The following ADK variants were observed in gnomAD, a reference collection of about 807,000 sequenced individuals.
ADK encodes N6,N6-dimethyladenosine kinase.
A neutral mutation model predicts 44.7 loss-of-function variants in ADK; 24 were observed. The ratio of observed to expected loss-of-function variants is 0.54; its 90% CI spans 0.39 to 0.76. ADK has a LOEUF of 0.76. Among genes scored for constraint, ADK ranks in the 30% least tolerant of loss-of-function variants. The probability of loss-of-function intolerance (pLI) is 0.00; values close to 1 mark genes in which losing one functional copy is unlikely to be tolerated. For synonymous variants in ADK, 128 were observed against 142.6 expected, an observed-to-expected ratio of 0.90 and a Z score of 0.73; for missense variants, 321 against 425.1, an observed-to-expected ratio of 0.76 and a Z score of 2.15.
intron 7 of ADK, among the ~76,000 whole-genome samples, chr10:74,556,306 G>T (rs1011220355): frequency 6.6e-6 from 1 of 152,146 alleles, no homozygotes; most frequent in Non-Finnish European, 1.5e-5. Context: ...TGCCATATGA[G>T]CTCTGCTTAT....
intron 3 of ADK, among the ~76,000 whole-genome samples, chr10:74,272,586 C>A (rs1185686715): frequency 1.3e-5 from 2 of 152,140 alleles, no homozygotes; most frequent in Non-Finnish European, 2.9e-5. Flanking sequence ...GCTTCATTTT[C>A]TACCTCTGAT....
At chr10:74,264,975 A>G (rs1411895389) in intron 3 of ADK, among the ~76,000 whole-genome samples, 1 of 151,614 alleles carries the variant, frequency 6.6e-6, no homozygotes, top group Non-Finnish European at 1.5e-5. Flanking sequence ...CAAAGTACCT[A>G]TTTTTTTCTT....
Position 74,447,837 on chromosome 10 carries a change from T to TC in ADK, c.555+49261dup, listed in dbSNP as rs1592227657. The stretch of plus-strand genomic sequence containing the variant: ...ATGTATATACTGTTAAGGAGTCATT[T>TC]CCCTCTAAGAGTACAAAGTACAAAA... On this transcript the variant is annotated intron_variant, in intron 6 of 10. Coordinates refer to ENST00000539909, the MANE Select transcript of ADK (RefSeq NM_006721.4). 2.0e-5 allele frequency among the ~76,000 whole-genome samples: 3 copies of TC among 152,230 alleles called. No homozygotes were observed. In the East Asian group the frequency reaches 5.8e-4, roughly 29 times the overall value.
intron 6 of ADK, among the ~76,000 whole-genome samples, chr10:74,482,872 G>T (rs750905466): frequency 6.6e-6 from 1 of 152,126 alleles, no homozygotes; most frequent in African/African-American, 2.4e-5. Context: ...GCAGTTCTGC[G>T]TCTGTTGCTC....
intron 10 of ADK, among the ~76,000 whole-genome samples, chr10:74,699,143 C>G (rs1167228598): frequency 1.6e-5 from 2 of 122,508 alleles, no homozygotes; most frequent in African/African-American, 6.3e-5. Flanking sequence ...GCCACCCAAC[C>G]TAGCCTTTTT....
At chr10:74,524,875 T>C (rs912757163) in intron 6 of ADK, among the ~76,000 whole-genome samples, 2 of 152,100 alleles carry the variant, frequency 1.3e-5, no homozygotes, top group Non-Finnish European at 2.9e-5. Context: ...TCAAAAAATA[T>C]ATATTCCAAA....
At chr10:74,496,243 A>G (rs1847683188) in intron 6 of ADK, among the ~76,000 whole-genome samples, 1 of 152,146 alleles carries the variant, frequency 6.6e-6, no homozygotes, top group Admixed American at 6.6e-5. Context: ...AGTAACTTGG[A>G]CTACAGGCAT....
chr10:74,406,520 T>C (rs2395089), intron 6 of ADK, among the ~76,000 whole-genome samples: 1 of 57,562 alleles, frequency 1.7e-5, no homozygotes, highest in Non-Finnish European at 4.4e-5. Flanking sequence ...ATAATAATAA[T>C]AATAATAAGA....
intron 7 of ADK, among the ~76,000 whole-genome samples, chr10:74,566,003 T>C (rs1850654758): frequency 6.6e-6 from 1 of 152,120 alleles, no homozygotes; most frequent in Non-Finnish European, 1.5e-5. Context: ...AAGTGGCAGA[T>C]GCCTTATCTT....
intron 6 of ADK, chr10:74,509,596 A>G (rs1848222947): frequency 6.6e-6 from 1 of 152,210 alleles, no homozygotes; most frequent in African/African-American, 2.4e-5. Context: ...AACATTTAAT[A>G]TCCTCCATCT....
intron 3 of ADK, among the ~76,000 whole-genome samples, chr10:74,312,280 C>G (rs543571050): frequency 1.4e-5 from 2 of 138,640 alleles, no homozygotes; most frequent in East Asian, 4.0e-4. Context: ...AGGGTAAGGA[C>G]ACTTGTAGAT....
intron 6 of ADK, among the ~76,000 whole-genome samples, chr10:74,479,493 T>C (rs2133342790): frequency 6.6e-6 from 1 of 152,052 alleles, no homozygotes; most frequent in Non-Finnish European, 1.5e-5. Context: ...GCAGAGAATT[T>C]TCTTTTGCTT....
intron 3 of ADK, among the ~76,000 whole-genome samples, chr10:74,248,309 G>A (rs1190966004): frequency 6.6e-6 from 1 of 152,084 alleles, no homozygotes. Context: ...GTTAGTAGGA[G>A]TACTAGCAAA....
rs760279818 is a variant in ADK at position 74,670,224 on chromosome 10, A to G, written c.919A>G (p.Lys307Glu). ...TTTTGCTGTCTTGGATCAAGACCAG[A>G]AAGAAATTATTGATACCAATGGAGC... ...TAFAVLDQDQ[K>E]EIIDTNGAGD... Residue 307 changes from lysine (K) to glutamate (E), a missense_variant, in exon 10 of 11, where the codon AAA becomes GAA. Physicochemically the swap from Lys to Glu is moderately conservative, Grantham distance 56 (BLOSUM62 1). Coordinates refer to ENST00000539909, the MANE Select transcript of ADK (RefSeq NM_006721.4). 18 of 1,613,910 alleles carry G rather than the reference A, an allele frequency of 1.1e-5. No individual in the cohort carries two copies. The highest frequency in any genetic ancestry group is 1.6e-4 in the Middle Eastern group (1 of 6,082).
rs1158811749 is a variant in ADK at position 74,177,945 on chromosome 10, A to AT, written c.66-22806dup. On this transcript the variant is annotated intron_variant, in intron 1 of 10. Coordinates refer to ENST00000539909, the MANE Select transcript of ADK (RefSeq NM_006721.4). ...TAATTATATATATATATATATATAT[A>AT]TTTTTTTTTTTTTGAGACAGAGTTT... 1.7e-3 allele frequency among the ~76,000 whole-genome samples: 187 copies of AT among 108,958 alleles called. 1 individual carries two copies. The highest frequency in any genetic ancestry group is 0.017 in the South Asian group (59 of 3,514). The allele number at this position is 108,958 out of a possible 152,430, so 71.5% of individuals were successfully genotyped here.
chr10:74,644,270 GA>G (rs1853981273), intron 9 of ADK, among the ~76,000 whole-genome samples: 1 of 152,186 alleles, frequency 6.6e-6, no homozygotes, highest in Non-Finnish European at 1.5e-5. Flanking sequence ...AGCTCCTCTT[GA>G]AGGTTTAATC....
At chr10:74,338,504 T>C (rs1036639194) in intron 4 of ADK, among the ~76,000 whole-genome samples, 15 of 152,212 alleles carry the variant, frequency 9.9e-5, no homozygotes, top group African/African-American at 3.6e-4. Flanking sequence ...TGCCTCAAAC[T>C]GGAAAGAATC....
chr10:74,495,186 A>G (rs1395149685), intron 6 of ADK, among the ~76,000 whole-genome samples: 1 of 152,068 alleles, frequency 6.6e-6, no homozygotes, highest in African/African-American at 2.4e-5. Flanking sequence ...ATATTAATAC[A>G]TTATTCCCTA....
intron 1 of ADK, among the ~76,000 whole-genome samples, chr10:74,159,785 G>T (rs773423179): frequency 1.3e-5 from 2 of 152,078 alleles, no homozygotes; most frequent in Non-Finnish European, 2.9e-5. Flanking sequence ...TAGAGACAGG[G>T]TTTCACAATG....
Sources: allele counts gnomAD v4.1 joint callset (sites outside exome capture counted in the v4.1 genomes callset), GRCh38; gene constraint gnomAD v4.1.1; transcripts MANE v1.5; gene names NCBI Gene and HGNC (gene_info 2026-07-23, HGNC 2026-07-21).